ELMO1: variants seen among roughly 807,000 people sequenced by gnomAD.
ELMO1 encodes the protein engulfment and cell motility 1.
Under a neutral mutation model 98.9 loss-of-function variants are expected in ELMO1, and 26 were observed. That is an observed-to-expected ratio of 0.26 (90% CI 0.19 to 0.36). The LOEUF is 0.36. ELMO1 is among the 10% of genes least tolerant of loss of function. ELMO1 has a pLI of 1.00. For synonymous variants in ELMO1, 346 were observed against 346.0 expected (o/e 1.00, Z 0.00); for missense variants, 627 against 935.2 (o/e 0.67, Z 4.30).
At chr7:37,067,836 T>C (rs1186619988) in intron 15 of ELMO1, among the ~76,000 whole-genome samples, 2 of 152,208 alleles carry the variant, frequency 1.3e-5, no homozygotes, top group Non-Finnish European at 2.9e-5. Flanking sequence ...AAATGTGTTC[T>C]TGAAGGCTCT....
At chr7:37,078,909 C>A in intron 15 of ELMO1, among the ~76,000 whole-genome samples, 1 of 147,740 alleles carries the variant, frequency 6.8e-6, no homozygotes, top group Admixed American at 6.7e-5. Flanking sequence ...GTATTAATGC[C>A]CAAAAAGCGT....
chr7:37,307,985 T>C (rs1052879024), intron 4 of ELMO1, among the ~76,000 whole-genome samples: 5 of 152,138 alleles, frequency 3.3e-5, no homozygotes, highest in African/African-American at 1.2e-4. Flanking sequence ...TGGTGGCACA[T>C]GCCTGTAATC....
At chr7:37,133,670 A>T (rs1221138798) in intron 13 of ELMO1, among the ~76,000 whole-genome samples, 1 of 152,146 alleles carries the variant, frequency 6.6e-6, no homozygotes, top group Non-Finnish European at 1.5e-5. Flanking sequence ...TTGACTCCGC[A>T]TCCTTACGTG....
At chr7:36,894,686 C>T (rs1299689387) in intron 17 of ELMO1, among the ~76,000 whole-genome samples, 168 bp downstream of exon 17, 2 of 152,232 alleles carry the variant, frequency 1.3e-5, no homozygotes, top group African/African-American at 2.4e-5. Context: ...CCAGCCCTTC[C>T]TCAAGGAGCT....
intron 13 of ELMO1, among the ~76,000 whole-genome samples, chr7:37,137,033 A>G (rs1412648117): frequency 6.6e-6 from 1 of 152,164 alleles, no homozygotes; most frequent in Non-Finnish European, 1.5e-5. Flanking sequence ...CTCACCTAAC[A>G]CATAAGGACT....
intron 1 of ELMO1, among the ~76,000 whole-genome samples, chr7:37,396,178 A>ACT (rs1174822978): frequency 1.3e-5 from 2 of 152,040 alleles, no homozygotes; most frequent in Non-Finnish European, 1.5e-5. Context: ...GGCCACTTGA[A>ACT]CACCTTTGAG....
In ELMO1 at chr7:37,389,663, T is replaced by C. The variant is rs540252260; in HGVS notation, c.-73-46900A>G. On this transcript the variant is annotated intron_variant, in intron 1 of 21. Coordinates refer to ENST00000310758, the MANE Select transcript of ELMO1 (RefSeq NM_014800.11). Reference sequence around the variant, plus strand: ...GGAATAATAGCTTGGTCACAGGTAGTAGGGAGACACAGGACTCTCCAGACC... The same window carrying C: ...GGAATAATAGCTTGGTCACAGGTAGCAGGGAGACACAGGACTCTCCAGACC... 5.3e-5 allele frequency among the ~76,000 whole-genome samples: 8 copies of C among 152,268 alleles called. No individual in the cohort carries two copies. The East Asian group carries it at 5.8e-4, about 11-fold the overall frequency.
chr7:36,856,431 C>T (rs1377700225), intron 21 of ELMO1, among the ~76,000 whole-genome samples: 2 of 152,318 alleles, frequency 1.3e-5, no homozygotes, highest in Middle Eastern at 6.8e-3. Flanking sequence ...CCTCTTTAGC[C>T]TTTGTCTCTA....
intron 4 of ELMO1, among the ~76,000 whole-genome samples, chr7:37,287,194 CAAA>C (rs59637350): frequency 2.0e-5 from 2 of 99,838 alleles, no homozygotes; most frequent in Admixed American, 1.1e-4. Flanking sequence ...GACTCCTTCT[CAAA>C]AAAAAAAAAA....
At chr7:36,906,288 T>C (rs1205110109) in intron 16 of ELMO1, among the ~76,000 whole-genome samples, 2 of 152,066 alleles carry the variant, frequency 1.3e-5, no homozygotes, top group African/African-American at 4.8e-5. Flanking sequence ...TTCTGTGATA[T>C]ATACAAGAAA....
chr7:36,937,105 C>T (rs1440537186), intron 16 of ELMO1, among the ~76,000 whole-genome samples: 1 of 152,080 alleles, frequency 6.6e-6, no homozygotes. Flanking sequence ...ATCTTTAGCA[C>T]CGGTTATGGT....
intron 1 of ELMO1, among the ~76,000 whole-genome samples, chr7:37,444,705 G>A (rs1805538662): frequency 1.3e-5 from 2 of 152,096 alleles, no homozygotes; most frequent in African/African-American, 2.4e-5. Flanking sequence ...CAATAGAGAC[G>A]GGGTTTCACC....
At chr7:37,426,796 G>A (rs763631690) in intron 1 of ELMO1, among the ~76,000 whole-genome samples, 1 of 151,848 alleles carries the variant, frequency 6.6e-6, no homozygotes, top group Admixed American at 6.6e-5. Context: ...TACAATTATT[G>A]CATGTTAGTC....
chr7:37,232,827 A>G (rs1794251904), intron 8 of ELMO1, among the ~76,000 whole-genome samples: 1 of 152,190 alleles, frequency 6.6e-6, no homozygotes, highest in South Asian at 2.1e-4. Flanking sequence ...TGGGGAATTA[A>G]CACACTTGTG....
chr7:37,251,549 G>A (rs1035793984), intron 6 of ELMO1, among the ~76,000 whole-genome samples: 2 of 152,086 alleles, frequency 1.3e-5, no homozygotes, highest in Non-Finnish European at 2.9e-5. Context: ...TGCCTGCAAA[G>A]GATTTTATTT....
chr7:36,951,560 G>A (rs564432089), intron 16 of ELMO1, among the ~76,000 whole-genome samples: 1 of 152,270 alleles, frequency 6.6e-6, no homozygotes, highest in East Asian at 1.9e-4. Context: ...ACTGCTGGGG[G>A]AGTCTCTGAT....
Position 37,388,843 on chromosome 7 carries a change from C to G in ELMO1, c.-73-46080G>C, listed in dbSNP as rs149027134. The stretch of plus-strand genomic sequence containing the variant: ...AATAAAAATACCGCCGTCACCTGAC[C>G]CACACAAAAGACGTTCTGCATGTCA... On this transcript the variant is annotated intron_variant, in intron 1 of 21. Coordinates refer to ENST00000310758, the MANE Select transcript of ELMO1 (RefSeq NM_014800.11). Among the ~76,000 whole-genome samples, 1,382 of 152,224 alleles carry G rather than the reference C, an allele frequency of 9.1e-3. 18 individuals are homozygous for G. Among genetic ancestry groups the G allele is most frequent in the Non-Finnish European group, 0.011 (752 of 68,018 alleles).
At chr7:36,915,399 A>C (rs1161588397) in intron 16 of ELMO1, among the ~76,000 whole-genome samples, 1 of 152,204 alleles carries the variant, frequency 6.6e-6, no homozygotes, top group Non-Finnish European at 1.5e-5. Context: ...CTTTTATCTA[A>C]GATAGGAGGG....
chr7:37,000,964 C>T (rs1261356675), intron 16 of ELMO1, among the ~76,000 whole-genome samples: 3 of 151,884 alleles, frequency 2.0e-5, no homozygotes, highest in Admixed American at 1.3e-4. Context: ...CACACACACA[C>T]GTTTTTTAAC....
Sources: allele counts gnomAD v4.1 joint callset (sites outside exome capture counted in the v4.1 genomes callset), GRCh38; gene constraint gnomAD v4.1.1; transcripts MANE v1.5; gene names NCBI Gene and HGNC (gene_info 2026-07-23, HGNC 2026-07-21).